PLCE1: variants seen among roughly 807,000 people sequenced by gnomAD.
The protein encoded by PLCE1 is 1-phosphatidylinositol 4,5-bisphosphate phosphodiesterase epsilon-1.
In PLCE1, 119 loss-of-function variants were observed where a neutral mutation model predicts 242.8. The ratio of observed to expected loss-of-function variants is 0.49; its 90% CI spans 0.42 to 0.57. PLCE1 has a LOEUF of 0.57. PLCE1 is among the 20% of genes least tolerant of loss of function. PLCE1 has a pLI of 0.00. For synonymous variants in PLCE1, 945 were observed against 1,017.4 expected (o/e 0.93, Z 1.35); for missense variants, 2,441 against 2,788.8 (o/e 0.88, Z 2.81).
intron 27 of PLCE1, 112 bp from the exon 28 acceptor site, chr10:94,313,142 T>C (rs2133738096): frequency 2.4e-6 from 3 of 1,264,468 alleles, no homozygotes; most frequent in Middle Eastern, 5.3e-4. Flanking sequence ...CTCTCATCTT[T>C]TGCATTTACA....
intron 1 of PLCE1, among the ~76,000 whole-genome samples, chr10:94,016,592 A>C (rs924269283): frequency 3.3e-5 from 5 of 152,168 alleles, no homozygotes; most frequent in Admixed American, 6.5e-5. Flanking sequence ...GGGATGCTTA[A>C]CCTGTGTTTT....
At chr10:94,232,964 G>T (rs2050194522) in intron 5 of PLCE1, among the ~76,000 whole-genome samples, 1 of 152,158 alleles carries the variant, frequency 6.6e-6, no homozygotes, top group African/African-American at 2.4e-5. Context: ...TTCACTTACT[G>T]CCCCCTGCAC....
At position 94,031,216 on chromosome 10, in the gene PLCE1, T is replaced by A; in HGVS notation, c.170T>A (p.Leu57Gln). 6.2e-7 allele frequency: 1 copy of A among 1,613,780 alleles called. No individual in the cohort carries two copies. The highest frequency in any genetic ancestry group is 8.5e-7 in the Non-Finnish European group (1 of 1,179,826). Reference protein sequence around the residue: ...SGETSHTISQLNKLKEEPSGS... With the variant: ...SGETSHTISQQNKLKEEPSGS... ...GAGACTTCTCATACCATCTCACAACTGAACAAACTTAAAGAAGAACCTTCT... is the reference window on the plus strand; with the variant it reads ...GAGACTTCTCATACCATCTCACAACAGAACAAACTTAAAGAAGAACCTTCT... Residue 57 changes from leucine (L) to glutamine (Q), a missense_variant, in exon 2 of 33, where the codon CTG becomes CAG. Physicochemically the swap from Leu to Gln is moderately radical, Grantham distance 113. This residue lies in a region of PLCE1 where 393 missense variants were observed against 378.5 expected (regional missense o/e 1.04). Transcript: ENST00000371380.
At chr10:94,150,406 A>G (rs1197780255) in intron 3 of PLCE1, among the ~76,000 whole-genome samples, 1 of 152,218 alleles carries the variant, frequency 6.6e-6, no homozygotes, top group Admixed American at 6.5e-5. Flanking sequence ...TCAGTCTATA[A>G]GCCCAAGGCC....
intron 3 of PLCE1, among the ~76,000 whole-genome samples, chr10:94,162,040 C>T (rs1202231261): frequency 6.6e-6 from 1 of 152,186 alleles, no homozygotes; most frequent in African/African-American, 2.4e-5. Flanking sequence ...TTTTGATGTA[C>T]TGCTGGATTC....
At chr10:94,204,223 T>C (rs2049070946) in intron 4 of PLCE1, among the ~76,000 whole-genome samples, 1 of 152,120 alleles carries the variant, frequency 6.6e-6, no homozygotes, top group African/African-American at 2.4e-5. Context: ...GGTGATATGA[T>C]AGATTATATC....
chr10:94,309,426 G>C (rs2053312192), intron 27 of PLCE1, among the ~76,000 whole-genome samples: 1 of 152,084 alleles, frequency 6.6e-6, no homozygotes, highest in Non-Finnish European at 1.5e-5. Context: ...GACCTTCCTG[G>C]CTCAAGCAAT....
intron 2 of PLCE1, among the ~76,000 whole-genome samples, chr10:94,127,099 G>T (rs1007635851): frequency 7.2e-5 from 11 of 152,214 alleles, no homozygotes; most frequent in Non-Finnish European, 1.3e-4. Flanking sequence ...ATAGATTAGT[G>T]TGTGGATTCA....
chr10:94,166,732 A>G (rs1287136017), intron 3 of PLCE1, among the ~76,000 whole-genome samples: 2 of 152,160 alleles, frequency 1.3e-5, no homozygotes, highest in Admixed American at 1.3e-4. Flanking sequence ...GCTTGTCTTT[A>G]AGCAAAATGT....
chr10:94,112,685 G>C (rs959742432), intron 2 of PLCE1, among the ~76,000 whole-genome samples: 1 of 152,146 alleles, frequency 6.6e-6, no homozygotes, highest in Non-Finnish European at 1.5e-5. Flanking sequence ...CAGGGCTCAG[G>C]CCTCAGTATT....
rs748451084 is a variant in PLCE1 at position 94,171,432 on chromosome 10, C to T, written c.1745C>T (p.Ser582Leu). 7.4e-6 allele frequency: 12 copies of T among 1,614,134 alleles called. No homozygotes were observed. The highest frequency in any genetic ancestry group is 3.3e-5 in the South Asian group (3 of 91,068). The change falls in exon 4 of 33, where the codon TCG (serine) becomes TTG (leucine). Residue 582 changes from serine (S) to leucine (L), a missense_variant. By Grantham distance (145) the Ser-to-Leu change is moderately radical. Coordinates refer to ENST00000371380, the MANE Select transcript of PLCE1 (RefSeq NM_016341.4). ...TGCCTCAAAGCATCCATCTCAGCGT[C>T]GATTCTTACCACTCAGAATGGAGAG... ...LPCLKASISA[S>L]ILTTQNGEHN...
chr10:94,234,398 G>A, intron 6 of PLCE1, 86 bp downstream of exon 6: 2 of 1,359,820 alleles, frequency 1.5e-6, no homozygotes, highest in South Asian at 1.2e-5. Context: ...CCAAAGAAAT[G>A]ATCACTGATT....
chr10:94,100,867 A>G (rs564753796), intron 2 of PLCE1, among the ~76,000 whole-genome samples: 2 of 152,318 alleles, frequency 1.3e-5, no homozygotes, highest in African/African-American at 4.8e-5. Context: ...TGCAGGGGCC[A>G]CAGGGGAGGG....
In PLCE1 at chr10:94,219,621, A is replaced by T. The variant is rs114481511; in HGVS notation, c.1810-7685A>T. ...CAGGCTTGCAGGAAGGAGTATGGTC[A>T]GCCTTATGTAATCTGTATAGATTAA... On this transcript the variant is annotated intron_variant, in intron 4 of 32. Transcript: ENST00000371380. 4.9e-3 allele frequency among the ~76,000 whole-genome samples: 744 copies of T among 152,308 alleles called. 1 individual carries two copies. Among genetic ancestry groups the T allele is most frequent in the African/African-American group, 0.016 (663 of 41,570 alleles).
intron 4 of PLCE1, among the ~76,000 whole-genome samples, chr10:94,176,448 T>C (rs531405072): frequency 1.3e-5 from 2 of 152,282 alleles, no homozygotes; most frequent in South Asian, 4.1e-4. Context: ...TTCTCTTTTT[T>C]TCCATTGGCA....
intron 3 of PLCE1, among the ~76,000 whole-genome samples, chr10:94,139,156 T>G (rs2046878922): frequency 6.6e-6 from 1 of 152,122 alleles, no homozygotes; most frequent in Non-Finnish European, 1.5e-5. Context: ...TAGTGGCACG[T>G]GCCTGTAATC....
Position 94,189,509 on chromosome 10 carries a change from A to G in PLCE1, c.1809+18013A>G, listed in dbSNP as rs1420533736. Among the ~76,000 whole-genome samples, 5 of 152,168 alleles carry G rather than the reference A, an allele frequency of 3.3e-5. No individual in the cohort carries two copies. The East Asian group carries it at 9.6e-4, about 29-fold the overall frequency. On this transcript the variant is annotated intron_variant, in intron 4 of 32. Coordinates refer to ENST00000371380, the MANE Select transcript of PLCE1 (RefSeq NM_016341.4). ...ATAAAAAGATATAGATGCCAGGAAG[A>G]TGTCTCAAGTGAGAGACCCAGCTTG...
At chr10:94,324,597 T>C in intron 31 of PLCE1, 30 bp downstream of exon 31, 1 of 1,525,284 alleles carries the variant, frequency 6.6e-7, no homozygotes, top group Non-Finnish European at 9.1e-7. Context: ...TGCTCTGTTC[T>C]TAAGTTATCT....
At chr10:94,286,100 C>T (rs1421835942) in intron 22 of PLCE1, among the ~76,000 whole-genome samples, 2 of 152,146 alleles carry the variant, frequency 1.3e-5, no homozygotes, top group African/African-American at 4.8e-5. Context: ...AAATTCATCT[C>T]CTCATACTAA....
Sources: allele counts gnomAD v4.1 joint callset (sites outside exome capture counted in the v4.1 genomes callset), GRCh38; gene constraint gnomAD v4.1.1; regional missense constraint gnomAD v4.1.1; transcripts MANE v1.5; gene names NCBI Gene and HGNC (gene_info 2026-07-23, HGNC 2026-07-21).